PCDHA4: variants seen among roughly 807,000 people sequenced by gnomAD.
PCDHA4 encodes protocadherin alpha-4.
A neutral mutation model predicts 61.4 loss-of-function variants in PCDHA4; 49 were observed. That is an observed-to-expected ratio of 0.80 (90% CI 0.63 to 1.01). The LOEUF is 1.01. Among genes scored for constraint, PCDHA4 ranks in the 50% least tolerant of loss-of-function variants. The pLI is 0.00. For synonymous variants in PCDHA4, 590 were observed against 550.3 expected (o/e 1.07, Z -1.01); for missense variants, 1,254 against 1,235.8 (o/e 1.01, Z -0.22).
At chr5:140,915,015 G>T (rs1469800021) in intron 1 of PCDHA4, among the ~76,000 whole-genome samples, 3 of 146,766 alleles carry the variant, frequency 2.0e-5, no homozygotes, top group Non-Finnish European at 4.5e-5. Flanking sequence ...GCCTGATCTT[G>T]GCTCACTGCA....
chr5:140,942,237 T>C (rs2153657846), intron 1 of PCDHA4, among the ~76,000 whole-genome samples: 1 of 152,214 alleles, frequency 6.6e-6, no homozygotes, highest in East Asian at 1.9e-4. Context: ...GCAAATAAGA[T>C]ATCCATATCA....
At chr5:140,822,657 TA>T (rs2150118290) in intron 1 of PCDHA4, 18 of 1,608,594 alleles carry the variant, frequency 1.1e-5, no homozygotes, top group Non-Finnish European at 1.4e-5. Context: ...AATTTATAAT[TA>T]ATTCTAATAC....
chr5:140,975,578 C>T (rs2096673039), intron 1 of PCDHA4, among the ~76,000 whole-genome samples: 2 of 152,232 alleles, frequency 1.3e-5, no homozygotes, highest in Non-Finnish European at 2.9e-5. Flanking sequence ...TATGCAGTCT[C>T]ATGTCCCAGA....
At chr5:140,835,990 G>T (rs2150249638) in intron 1 of PCDHA4, 1 of 1,613,318 alleles carries the variant, frequency 6.2e-7, no homozygotes, top group East Asian at 2.2e-5. Context: ...TTCCAGGTGA[G>T]CGCGCGCGAT....
chr5:140,885,638 A>C (rs1490773479), intron 1 of PCDHA4, among the ~76,000 whole-genome samples: 10 of 152,184 alleles, frequency 6.6e-5, no homozygotes, highest in Admixed American at 5.2e-4. Flanking sequence ...ATTGCCTTCC[A>C]AGTATTTTGG....
At chr5:140,978,896 G>T in intron 1 of PCDHA4, 53 bp from the exon 2 acceptor site, 1 of 1,612,808 alleles carries the variant, frequency 6.2e-7, no homozygotes, top group South Asian at 1.1e-5. Context: ...CAGCATTCCT[G>T]GGAGAACATT....
intron 3 of PCDHA4, among the ~76,000 whole-genome samples, chr5:140,984,583 T>C (rs2097109355): frequency 6.6e-6 from 1 of 152,200 alleles, no homozygotes; most frequent in South Asian, 2.1e-4. Context: ...AACCTAATCA[T>C]ACTTTTCAAT....
In PCDHA4 at chr5:141,010,301, A is replaced by G. The variant is rs1232797660; in HGVS notation, c.*364A>G. On this transcript the variant is annotated 3_prime_UTR_variant, in exon 4 of 4. Coordinates refer to ENST00000530339, the MANE Select transcript of PCDHA4 (RefSeq NM_018907.4). ...TTGATGACACTTGCAGGGCAGGCTG[A>G]AAAGTTTTGAGATTGAGCAGCTTGG... 1 of 1,548,942 alleles carries G rather than the reference A, an allele frequency of 6.5e-7. No individual in the cohort carries two copies. Among genetic ancestry groups the G allele is most frequent in the African/African-American group, 1.4e-5 (1 of 72,848 alleles).
At chr5:140,951,289 T>C (rs546786558) in intron 1 of PCDHA4, among the ~76,000 whole-genome samples, 12 of 152,232 alleles carry the variant, frequency 7.9e-5, no homozygotes, top group Non-Finnish European at 1.3e-4. Context: ...TTTTGGATTA[T>C]ATCTTGATAT....
intron 1 of PCDHA4, chr5:140,825,029 A>C (rs1043200115): frequency 2.6e-5 from 4 of 152,092 alleles, no homozygotes; most frequent in Non-Finnish European, 4.4e-5. Context: ...AAAAGAATAC[A>C]GTTAAATTTT....
At chr5:140,830,278 G>A (rs1364001637) in intron 1 of PCDHA4, 3 of 1,613,714 alleles carry the variant, frequency 1.9e-6, no homozygotes, top group African/African-American at 1.3e-5. Context: ...CACCCACCGA[G>A]GGCGCGTGCA....
chr5:140,856,970 G>T (rs2044296852), intron 1 of PCDHA4: 1 of 1,592,058 alleles, frequency 6.3e-7, no homozygotes, highest in Non-Finnish European at 8.6e-7. Flanking sequence ...TGATGCTATT[G>T]ACTTTGAGGA....
At chr5:140,850,015 A>G (rs2041294167) in intron 1 of PCDHA4, 1 of 1,596,724 alleles carries the variant, frequency 6.3e-7, no homozygotes, top group Non-Finnish European at 8.6e-7. Flanking sequence ...CTGTCGAGCT[A>G]CGTGTCAGTG....
rs921095598 is a variant in PCDHA4 at position 140,929,476 on chromosome 5, T to C, written c.2386-49473T>C. 1.0e-5 allele frequency: 13 copies of C among 1,254,174 alleles called. No individual in the cohort carries two copies. In the African/African-American group the frequency reaches 2.0e-4, roughly 19 times the overall value. 77.7% of individuals were successfully genotyped at this position (1,254,174 alleles called of 1,614,324 possible). On this transcript the variant is annotated intron_variant, in intron 1 of 3. Coordinates refer to ENST00000530339, the MANE Select transcript of PCDHA4 (RefSeq NM_018907.4). ...CTTCCTGTGCCAAGAAATCTGGAAG[T>C]ATAGAAGTATTAGAAGATTGCCCTA...
intron 1 of PCDHA4, among the ~76,000 whole-genome samples, chr5:140,931,683 A>C (rs1482331530): frequency 6.6e-6 from 1 of 151,950 alleles, no homozygotes; most frequent in Non-Finnish European, 1.5e-5. Flanking sequence ...AAATAAATGA[A>C]TTGTGATTCA....
rs1169981457 is a variant in PCDHA4, at chr5:140,955,139, G to GT, written c.2386-23805dup. ...TTCTGTTCCACTGGTCTACACGTCT[G>GT]TTTTTGTACCAGTACCGTGCTGTTT... On this transcript the variant is annotated intron_variant, in intron 1 of 3. Coordinates refer to ENST00000530339, the MANE Select transcript of PCDHA4 (RefSeq NM_018907.4). Among the ~76,000 whole-genome samples the GT allele has an allele frequency of 2.0e-5, 3 of 152,138 alleles. No homozygotes were observed. The East Asian group carries it at 5.8e-4, about 29-fold the overall frequency.
intron 1 of PCDHA4, among the ~76,000 whole-genome samples, chr5:140,901,883 C>G (rs1206318073): frequency 5.3e-5 from 8 of 152,038 alleles, no homozygotes; most frequent in Non-Finnish European, 1.0e-4. Flanking sequence ...CTTTCATCAG[C>G]ATTTTATATT....
chr5:140,965,036 G>A (rs568573122), intron 1 of PCDHA4, among the ~76,000 whole-genome samples: 1 of 152,272 alleles, frequency 6.6e-6, no homozygotes, highest in African/African-American at 2.4e-5. Context: ...TTAACTGTCC[G>A]CTCTAGGAGG....
intron 1 of PCDHA4, chr5:140,861,477 A>AT (rs2046941356): frequency 1.6e-5 from 8 of 493,206 alleles, no homozygotes; most frequent in South Asian, 1.2e-4. Context: ...GCAGAATGGC[A>AT]TTTTTGTGAG....
Sources: allele counts gnomAD v4.1 joint callset (sites outside exome capture counted in the v4.1 genomes callset), GRCh38; gene constraint gnomAD v4.1.1; transcripts MANE v1.5; gene names NCBI Gene and HGNC (gene_info 2026-07-23, HGNC 2026-07-21).